CDYL2: variants seen among roughly 807,000 people sequenced by gnomAD.
CDYL2 encodes the protein chromodomain Y like 2, also known as chromodomain Y-like protein 2.
In CDYL2, 23 loss-of-function variants were observed where a neutral mutation model predicts 49.4. The observed-to-expected ratio is 0.47, with a 90% CI of 0.34 to 0.66. The LOEUF (loss-of-function observed/expected upper bound fraction) is 0.66, where lower values mean the gene tolerates loss of function less well. Among genes scored for constraint, CDYL2 ranks in the 30% least tolerant of loss-of-function variants. The probability of loss-of-function intolerance (pLI) is 0.01; values close to 1 mark genes in which losing one functional copy is unlikely to be tolerated. For synonymous variants in CDYL2, 360 were observed against 268.8 expected (o/e 1.34, Z -3.32); for missense variants, 678 against 656.4 (o/e 1.03, Z -0.36).
At chr16:80,724,673 C>T (rs571066146) in intron 1 of CDYL2, among the ~76,000 whole-genome samples, 6 of 152,254 alleles carry the variant, frequency 3.9e-5, no homozygotes, top group African/African-American at 1.4e-4. Flanking sequence ...CATTTGTGTA[C>T]TAGGCCCATG....
intron 1 of CDYL2, among the ~76,000 whole-genome samples, chr16:80,768,730 T>C (rs534384299): frequency 2.7e-4 from 41 of 152,340 alleles, no homozygotes; most frequent in Admixed American, 8.5e-4. Context: ...GGATGACATG[T>C]AGCATAACAC....
chr16:80,671,642 G>A (rs2142451471), intron 2 of CDYL2, among the ~76,000 whole-genome samples: 1 of 152,332 alleles, frequency 6.6e-6, no homozygotes, highest in South Asian at 2.1e-4. Context: ...GTTACAAAGA[G>A]TACTTGAGCA....
At chr16:80,670,274 G>C (rs1597161324) in intron 2 of CDYL2, among the ~76,000 whole-genome samples, 1 of 134,296 alleles carries the variant, frequency 7.4e-6, no homozygotes, top group Non-Finnish European at 1.7e-5. Context: ...GACCCAGTGG[G>C]AGTTGACTGG....
At chr16:80,666,000 CA>C (rs1909247243) in intron 2 of CDYL2, among the ~76,000 whole-genome samples, 2 of 152,138 alleles carry the variant, frequency 1.3e-5, no homozygotes, top group Non-Finnish European at 2.9e-5. Flanking sequence ...TAGAAAAGCA[CA>C]TTCTTGAGCA....
chr16:80,712,781 C>T (rs1357901784), intron 1 of CDYL2, among the ~76,000 whole-genome samples: 2 of 152,170 alleles, frequency 1.3e-5, no homozygotes, highest in African/African-American at 2.4e-5. Context: ...TGTCCCAATG[C>T]CATCAGACAT....
At chr16:80,763,423 G>A (rs1906606992) in intron 1 of CDYL2, among the ~76,000 whole-genome samples, 1 of 87,558 alleles carries the variant, frequency 1.1e-5, no homozygotes, top group South Asian at 3.5e-4. Context: ...GGCCAACATG[G>A]TGAAACCCTG....
chr16:80,679,054 C>T (rs865999201), intron 2 of CDYL2, among the ~76,000 whole-genome samples: 5 of 137,110 alleles, frequency 3.6e-5, no homozygotes, highest in African/African-American at 1.4e-4. Flanking sequence ...TAGGTGGGAA[C>T]TGAACAATGA....
chr16:80,629,474 G>C (rs1485823813), intron 3 of CDYL2, among the ~76,000 whole-genome samples: 1 of 152,254 alleles, frequency 6.6e-6, no homozygotes, highest in Non-Finnish European at 1.5e-5. Context: ...GTGTTCCTGA[G>C]AGTAGTGGTA....
chr16:80,676,951 C>T (rs910503770), intron 2 of CDYL2, among the ~76,000 whole-genome samples: 4 of 149,340 alleles, frequency 2.7e-5, no homozygotes, highest in African/African-American at 9.9e-5. Flanking sequence ...TTTTTAACAA[C>T]CAATTCAATG....
chr16:80,797,619 A>C (rs956648039), intron 1 of CDYL2, among the ~76,000 whole-genome samples: 1 of 152,174 alleles, frequency 6.6e-6, no homozygotes, highest in Admixed American at 6.5e-5. Context: ...CATATCAATC[A>C]ACCCTGGTAC....
In CDYL2 at chr16:80,608,248, A is replaced by C; in HGVS notation, c.1219-13T>G. The C allele has an allele frequency of 6.4e-7, 1 of 1,553,158 alleles. No individual in the cohort carries two copies. Reference sequence around the variant, plus strand: ...GCATCTCATTGGCCTGAAAAAGCAAAAGCAGGCAAAGACTGAGGGCCTGGA... The same window carrying C: ...GCATCTCATTGGCCTGAAAAAGCAACAGCAGGCAAAGACTGAGGGCCTGGA... On this transcript the variant is annotated splice_polypyrimidine_tract_variant and intron_variant, in intron 5 of 6. Transcript: ENST00000570137.
intron 2 of CDYL2, among the ~76,000 whole-genome samples, chr16:80,647,904 A>C (rs1192613940): frequency 6.6e-6 from 1 of 152,188 alleles, no homozygotes; most frequent in Non-Finnish European, 1.5e-5. Context: ...CATGGAAATT[A>C]AACAATATGC....
At chr16:80,683,582 G>A (rs560001742) in intron 2 of CDYL2, among the ~76,000 whole-genome samples, 1 of 148,414 alleles carries the variant, frequency 6.7e-6, no homozygotes, top group South Asian at 2.1e-4. Flanking sequence ...AGTGCAGGAT[G>A]AGGTCAAGAC....
chr16:80,768,447 T>G (rs1488338509), intron 1 of CDYL2, among the ~76,000 whole-genome samples: 1 of 152,204 alleles, frequency 6.6e-6, no homozygotes, highest in Admixed American at 6.5e-5. Context: ...CAATAGGAAT[T>G]TATTACTCAC....
rs1213695295 is a variant in CDYL2 at position 80,804,244 on chromosome 16, G to A, written c.-71C>T. 1.5e-6 allele frequency: 2 copies of A among 1,300,952 alleles called. No individual in the cohort carries two copies. Among genetic ancestry groups the A allele is most frequent in the Non-Finnish European group, 2.0e-6 (2 of 991,386 alleles). 80.6% of individuals were successfully genotyped at this position (1,300,952 alleles called of 1,614,324 possible). A position where few individuals can be genotyped will look rare whatever the true frequency, so the allele number is the denominator to read the frequency against. On this transcript the variant is annotated 5_prime_UTR_variant, in exon 1 of 7. Transcript: ENST00000570137. Reference sequence around the variant, plus strand: ...CGCGCCCTCCGTGCGTGTGCGCGCGGGGTCCGGTGTGCGCGTGTGTGTGCG... The same window carrying A: ...CGCGCCCTCCGTGCGTGTGCGCGCGAGGTCCGGTGTGCGCGTGTGTGTGCG...
intron 1 of CDYL2, among the ~76,000 whole-genome samples, chr16:80,785,430 GAGA>G (rs1232693403): frequency 2.0e-5 from 3 of 152,146 alleles, no homozygotes; most frequent in African/African-American, 7.2e-5. Context: ...CCTCTTCAAA[GAGA>G]ACTACAGACC....
At chr16:80,663,841 C>G (rs1053281498) in intron 2 of CDYL2, among the ~76,000 whole-genome samples, 2 of 152,244 alleles carry the variant, frequency 1.3e-5, no homozygotes. Context: ...AATCCACCAC[C>G]TTGGCCTCCC....
At chr16:80,717,025 G>A (rs1015802590) in intron 1 of CDYL2, among the ~76,000 whole-genome samples, 2 of 151,964 alleles carry the variant, frequency 1.3e-5, no homozygotes, top group African/African-American at 4.8e-5. Context: ...TGGATGGATG[G>A]ATGGATGGAT....
chr16:80,638,811 A>C (rs980622714), intron 2 of CDYL2, among the ~76,000 whole-genome samples: 2 of 152,240 alleles, frequency 1.3e-5, no homozygotes, highest in Non-Finnish European at 2.9e-5. Flanking sequence ...CAAACTCTGT[A>C]CTTTGCAAAC....
Sources: gnomAD v4.1 joint callset for allele counts (sites outside exome capture counted in the v4.1 genomes callset) on GRCh38, gnomAD v4.1.1 for gene constraint, MANE v1.5 for transcripts, NCBI Gene and HGNC (gene_info 2026-07-23, HGNC 2026-07-21) for gene names.